The following SAMMSON variants were observed in gnomAD, a reference collection of about 807,000 sequenced individuals.
SAMMSON encodes the protein survival associated mitochondrial melanoma specific oncogenic non-coding RNA.
intron 4 of SAMMSON, among the ~76,000 whole-genome samples, chr3:70,239,907 G>A (rs114359089): frequency 3.9e-5 from 6 of 152,080 alleles, no homozygotes; most frequent in African/African-American, 7.2e-5. Context: ...TTACTCTTGC[G>A]GACAAAATAT....
intron 9 of SAMMSON, among the ~76,000 whole-genome samples, chr3:70,370,423 C>A (rs929368488): frequency 2.0e-5 from 3 of 152,050 alleles, no homozygotes; most frequent in African/African-American, 7.2e-5. Context: ...TCAGTCCCAT[C>A]AACAGTGTAT....
intron 3 of SAMMSON, among the ~76,000 whole-genome samples, chr3:70,031,468 T>C (rs547030152): frequency 1.3e-5 from 2 of 152,304 alleles, no homozygotes; most frequent in South Asian, 4.1e-4. Flanking sequence ...AGAGCGATGG[T>C]TGCACAGCAT....
chr3:70,233,681 G>A (rs995481432), intron 4 of SAMMSON, among the ~76,000 whole-genome samples: 8 of 151,972 alleles, frequency 5.3e-5, no homozygotes, highest in Admixed American at 3.3e-4. Context: ...GGCAACCTGC[G>A]ACCCATTCTT....
chr3:70,195,822 C>A (rs903366991), intron 4 of SAMMSON, among the ~76,000 whole-genome samples: 1 of 152,112 alleles, frequency 6.6e-6, no homozygotes, highest in African/African-American at 2.4e-5. Context: ...GTAACTTTAA[C>A]CTAGATGTGT....
At chr3:70,235,724 A>G (rs931048571) in intron 4 of SAMMSON, among the ~76,000 whole-genome samples, 1 of 152,148 alleles carries the variant, frequency 6.6e-6, no homozygotes, top group African/African-American at 2.4e-5. Flanking sequence ...TTGGCATTCA[A>G]ATCAGGCCAT....
intron 2 of SAMMSON, among the ~76,000 whole-genome samples, chr3:70,430,493 G>A (rs1335333098): frequency 6.6e-6 from 1 of 152,108 alleles, no homozygotes; most frequent in African/African-American, 2.4e-5. Flanking sequence ...GAGCAGTCTA[G>A]AAAGGTTTCT....
chr3:70,161,832 T>C (rs536563781), intron 4 of SAMMSON, among the ~76,000 whole-genome samples: 1 of 151,890 alleles, frequency 6.6e-6, no homozygotes, highest in South Asian at 2.1e-4. Flanking sequence ...TTATTTTCTT[T>C]ATTTGTTATT....
chr3:70,151,107 G>GAGGT (rs1220287085), intron 4 of SAMMSON, among the ~76,000 whole-genome samples: 4 of 151,610 alleles, frequency 2.6e-5, no homozygotes, highest in African/African-American at 9.7e-5. Context: ...GAATTTAATG[G>GAGGT]AACTGGTTAA....
At chr3:70,260,694 A>G (rs1559547594) in intron 6 of SAMMSON, among the ~76,000 whole-genome samples, 1 of 152,070 alleles carries the variant, frequency 6.6e-6, no homozygotes, top group Non-Finnish European at 1.5e-5. Context: ...CTCCAGATTC[A>G]GCACCTGGGA....
In SAMMSON at chr3:70,093,154, G is replaced by T. The variant is rs112515955; in HGVS notation, n.507+21589G>T. Among the ~76,000 whole-genome samples the T allele has an allele frequency of 7.7e-3, 1,167 of 152,154 alleles. 9 individuals are homozygous for T. Among genetic ancestry groups the T allele is most frequent in the African/African-American group, 0.026 (1,089 of 41,518 alleles). ...ATAGCTAAAGGGCTGTCTTTTCTCT[G>T]CCTTCAATGTTCTTGCCTTCTTCTC... is the stretch of plus-strand genomic sequence containing the variant. On this transcript the variant is annotated intron_variant and non_coding_transcript_variant, in intron 4 of 9. Coordinates refer to ENST00000642114, the Ensembl canonical transcript of SAMMSON.
chr3:70,284,557 C>T (rs761912461), intron 6 of SAMMSON, among the ~76,000 whole-genome samples: 7 of 152,130 alleles, frequency 4.6e-5, no homozygotes, highest in Non-Finnish European at 8.8e-5. Flanking sequence ...CCACGGAATA[C>T]TATGCAGCCA....
intron 4 of SAMMSON, among the ~76,000 whole-genome samples, chr3:70,248,553 ACATAGT>A: frequency 6.6e-6 from 1 of 152,204 alleles, no homozygotes; most frequent in East Asian, 1.9e-4. Flanking sequence ...CAGGGAAAAT[ACATAGT>A]CAAATTTAGA....
chr3:70,315,722 G>A (rs1702489338), intron 7 of SAMMSON, among the ~76,000 whole-genome samples: 1 of 152,046 alleles, frequency 6.6e-6, no homozygotes, highest in Non-Finnish European at 1.5e-5. Flanking sequence ...AATGAACAAA[G>A]TGAACCCACA....
intron 4 of SAMMSON, chr3:70,125,645 T>C (rs953496374): frequency 8.6e-6 from 6 of 699,574 alleles, no homozygotes; most frequent in African/African-American, 7.0e-5. Context: ...TCGGTAGATA[T>C]ATGGAATTCA....
chr3:70,038,805 CAG>C (rs2067095825), intron 3 of SAMMSON, among the ~76,000 whole-genome samples: 1 of 152,104 alleles, frequency 6.6e-6, no homozygotes, highest in Non-Finnish European at 1.5e-5. Flanking sequence ...ATTTTTCAAA[CAG>C]AGTTGAAACT....
At chr3:70,316,220 A>G (rs1559562180) in intron 7 of SAMMSON, among the ~76,000 whole-genome samples, 1 of 152,170 alleles carries the variant, frequency 6.6e-6, no homozygotes, top group Non-Finnish European at 1.5e-5. Context: ...AAATAGAATT[A>G]AATGCATGAA....
At chr3:70,103,588 G>A (rs1576122602) in intron 4 of SAMMSON, among the ~76,000 whole-genome samples, 1 of 152,132 alleles carries the variant, frequency 6.6e-6, no homozygotes, top group South Asian at 2.1e-4. Context: ...TCCTTGACAA[G>A]TTGTCATCTA....
chr3:70,226,701 C>T (rs1446872694), intron 4 of SAMMSON, among the ~76,000 whole-genome samples: 1 of 149,210 alleles, frequency 6.7e-6, no homozygotes, highest in East Asian at 2.0e-4. Flanking sequence ...TCGTGCCACT[C>T]CACTCCAGCC....
intron 2 of SAMMSON, among the ~76,000 whole-genome samples, chr3:70,404,435 C>G (rs1208307507): frequency 2.0e-5 from 3 of 152,024 alleles, no homozygotes; most frequent in African/African-American, 7.2e-5. Flanking sequence ...TTCAGAGATA[C>G]CCGGTAGACA....
Sources: gnomAD v4.1 joint callset for allele counts (sites outside exome capture counted in the v4.1 genomes callset) on GRCh38, gnomAD v4.1.1 for gene constraint, MANE v1.5 for transcripts, NCBI Gene and HGNC (gene_info 2026-07-23, HGNC 2026-07-21) for gene names.